Variants in POU2F3 observed in about 807,000 individuals in gnomAD.
The protein encoded by POU2F3 is POU class 2 homeobox 3.
In POU2F3, 23 loss-of-function variants were observed where a neutral mutation model predicts 59.2. That is an observed-to-expected ratio of 0.39 (90% CI 0.28 to 0.55). The LOEUF is 0.55. Ranked by LOEUF, POU2F3 falls within the 20% of genes least tolerant of loss-of-function variation. POU2F3 has a pLI of 0.66. For missense variants in POU2F3, 473 were observed against 544.5 expected (o/e 0.87, Z 1.31); for synonymous variants, 190 against 214.6 (o/e 0.89, Z 1.00).
chr11:120,299,635 C>T lies in POU2F3; in HGVS notation c.270C>T (p.Ser90=). The part of the protein sequence containing the change: ...LNASPCQDMA[S]LHPLQQLVLV... ...CTCTCCGTGTGTAGGACATGGCTTC[C>T]CTCCATCCGCTCCAGCAGCTTGTGC... Residue 90 remains serine (S), a synonymous_variant, in exon 5 of 13, where the codon TCC becomes TCT. Coordinates refer to ENST00000543440, the MANE Select transcript of POU2F3 (RefSeq NM_014352.4). The T allele has an allele frequency of 6.2e-7, 1 of 1,613,674 alleles. No individual in the cohort carries two copies. The highest frequency in any genetic ancestry group is 8.5e-7 in the Non-Finnish European group (1 of 1,179,858).
chr11:120,315,149 G>A (rs1941750604), intron 10 of POU2F3, among the ~76,000 whole-genome samples: 1 of 152,224 alleles, frequency 6.6e-6, no homozygotes, highest in Admixed American at 6.5e-5. Flanking sequence ...TGACACCAGG[G>A]AACTTCCGGG....
intron 10 of POU2F3, among the ~76,000 whole-genome samples, chr11:120,310,389 G>A (rs1250079105): frequency 6.6e-6 from 1 of 151,884 alleles, no homozygotes; most frequent in Non-Finnish European, 1.5e-5. Context: ...GAGCAAGTTT[G>A]AGGAAAAAAA....
At chr11:120,287,496 A>G (rs1328881266) in intron 3 of POU2F3, among the ~76,000 whole-genome samples, 1 of 152,210 alleles carries the variant, frequency 6.6e-6, no homozygotes, top group Admixed American at 6.5e-5. Flanking sequence ...TTTTCTAGAC[A>G]TTCAGCCCTA....
chr11:120,262,966 T>A (rs11217778), intron 2 of POU2F3, among the ~76,000 whole-genome samples: 4,365 of 107,916 alleles, frequency 0.04, 178 homozygotes, highest in East Asian at 0.23. Context: ...TTATTTAATT[T>A]ATTTATTTAT....
At chr11:120,312,012 A>G (rs187899602) in intron 10 of POU2F3, among the ~76,000 whole-genome samples, 12 of 152,384 alleles carry the variant, frequency 7.9e-5, no homozygotes, top group African/African-American at 2.9e-4. Flanking sequence ...AATGGGTCCC[A>G]GGAGGGTGAA....
intron 2 of POU2F3, among the ~76,000 whole-genome samples, chr11:120,258,615 C>A (rs1032204004): frequency 6.6e-6 from 1 of 152,148 alleles, no homozygotes; most frequent in East Asian, 1.9e-4. Flanking sequence ...TAGAACAGAG[C>A]TCTTATTTAA....
At chr11:120,236,706 G>C (rs539846719), upstream of POU2F3, 3 of 1,490,296 alleles carry the variant, frequency 2.0e-6, no homozygotes, top group African/African-American at 4.2e-5. Flanking sequence ...AAGGAGGAAG[G>C]GGTAAAGGAG....
intron 2 of POU2F3, among the ~76,000 whole-genome samples, chr11:120,260,144 T>C (rs1368175206): frequency 6.6e-6 from 1 of 152,240 alleles, no homozygotes; most frequent in Non-Finnish European, 1.5e-5. Flanking sequence ...TTCTCTCCAT[T>C]GTTTACCAGG....
chr11:120,315,351 T>C lies in POU2F3; in HGVS notation c.1069-10T>C. The C allele has an allele frequency of 6.2e-7, 1 of 1,609,666 alleles. No homozygotes were observed. Among genetic ancestry groups the C allele is most frequent in the Non-Finnish European group, 8.5e-7 (1 of 1,175,948 alleles). ...GAAATGGACATTTACAAGCTTCTGT[T>C]GTTTTTCAGGTATCTCCCTCAGGGT... On this transcript the variant is annotated splice_polypyrimidine_tract_variant and intron_variant, in intron 10 of 12. Coordinates refer to ENST00000543440, the MANE Select transcript of POU2F3 (RefSeq NM_014352.4).
At chr11:120,249,647 G>A (rs1324423109) in intron 2 of POU2F3, 1 of 152,206 alleles carries the variant, frequency 6.6e-6, no homozygotes, top group African/African-American at 2.4e-5. Context: ...GGCTAACCCT[G>A]TGACTTTTGA....
At chr11:120,316,877 TTTTCTCCTAC>T (rs1196648757) in intron 11 of POU2F3, among the ~76,000 whole-genome samples, 1 of 152,222 alleles carries the variant, frequency 6.6e-6, no homozygotes, top group East Asian at 1.9e-4. Flanking sequence ...TTCTTGTTCT[TTTTCTCCTAC>T]CGCCTCTTGG....
intron 10 of POU2F3, among the ~76,000 whole-genome samples, chr11:120,311,138 T>C (rs988481075): frequency 6.7e-6 from 1 of 148,424 alleles, no homozygotes; most frequent in East Asian, 2.1e-4. Context: ...TGAGGAGGAG[T>C]GTTGAAAGAT....
chr11:120,293,393 A>G (rs10750170), intron 3 of POU2F3, among the ~76,000 whole-genome samples: 65,113 of 152,076 alleles, frequency 0.43, 16,701 homozygotes, highest in East Asian at 0.86. Context: ...GGAGTTACCC[A>G]TCTGCCCCAT....
At chr11:120,280,647 A>AGTGT (rs71050731) in intron 3 of POU2F3, among the ~76,000 whole-genome samples, 7 of 151,262 alleles carry the variant, frequency 4.6e-5, no homozygotes, top group African/African-American at 1.2e-4. Context: ...AGAGAGAGAG[A>AGTGT]GTGTGTTTGT....
At position 120,307,440 on chromosome 11, in the gene POU2F3, C is replaced by A. The variant is rs761906635; in HGVS notation, c.770-39C>A. On this transcript the variant is annotated intron_variant, in intron 8 of 12. Transcript: ENST00000543440. ...CCATGAAGGCACCGGCCACTCATCC[C>A]CTTCTCTGAGCTTCCTCTGGTCCTT... 7 of 1,608,834 alleles carry A rather than the reference C, an allele frequency of 4.4e-6. No homozygotes were observed. The East Asian group carries it at 1.6e-4, about 36-fold the overall frequency.
intron 11 of POU2F3, 134 bp from the exon 12 acceptor site, chr11:120,317,095 G>A (rs565856863): frequency 3.0e-6 from 3 of 1,004,458 alleles, no homozygotes; most frequent in East Asian, 2.4e-5. Context: ...AGGTAGTCAG[G>A]TGGGTGTGGC....
intron 3 of POU2F3, among the ~76,000 whole-genome samples, chr11:120,297,362 T>C (rs923958835): frequency 6.6e-6 from 1 of 152,106 alleles, no homozygotes; most frequent in Admixed American, 6.5e-5. Context: ...TGGAGAGAGG[T>C]TGGAAACCAC....
At chr11:120,240,623 C>G (rs1938620005) in intron 1 of POU2F3, among the ~76,000 whole-genome samples, 1 of 151,912 alleles carries the variant, frequency 6.6e-6, no homozygotes, top group Non-Finnish European at 1.5e-5. Flanking sequence ...TCGAAGCCCC[C>G]GGTCTGGGGA....
intron 6 of POU2F3, 81 bp from the exon 7 acceptor site, chr11:120,304,949 A>AG: frequency 1.2e-6 from 1 of 851,554 alleles, no homozygotes; most frequent in Admixed American, 3.4e-5. Context: ...TAGTAAAAAA[A>AG]AAAAAAAAAA....
Sources: allele counts gnomAD v4.1 joint callset (sites outside exome capture counted in the v4.1 genomes callset), GRCh38; gene constraint gnomAD v4.1.1; transcripts MANE v1.5; gene names NCBI Gene and HGNC (gene_info 2026-07-23, HGNC 2026-07-21).